The following ITGA3 variants were observed in gnomAD, a reference collection of about 807,000 sequenced individuals.
ITGA3 encodes the protein integrin subunit alpha 3.
ITGA3 carries 70 observed loss-of-function variants against 131.1 expected under a neutral mutation model. The observed-to-expected ratio is 0.53, with a 90% CI of 0.44 to 0.65. The LOEUF (loss-of-function observed/expected upper bound fraction) is 0.65, where lower values mean the gene tolerates loss of function less well. ITGA3 is among the 30% of genes least tolerant of loss of function. The pLI is 0.00. For synonymous variants in ITGA3, 537 were observed against 571.6 expected (o/e 0.94, Z 0.86); for missense variants, 1,098 against 1,388.6 (o/e 0.79, Z 3.33).
intron 23 of ITGA3, among the ~76,000 whole-genome samples, chr17:50,081,691 G>A (rs895649505): frequency 3.3e-5 from 5 of 152,106 alleles, no homozygotes; most frequent in South Asian, 2.1e-4. Flanking sequence ...TCTGCACAAC[G>A]CCTCCATGAA....
chr17:50,078,918 G>T lies in ITGA3; in HGVS notation c.2392G>T (p.Glu798Ter). The part of the protein sequence containing the change: ...VEDVGSPLKY[E>*]FQVGPMGEGL... ...GGATGTAGGAAGCCCCCTCAAGTAT[G>T]AATTCCAGGTAAGGGGCTCGCCAGA... Residue 798 changes from glutamate (E) to a stop codon, truncating the protein, a stop_gained, in exon 19 of 26, where the codon GAA (glutamate) becomes TAA (stop). Transcript: ENST00000320031. LOFTEE classifies it high-confidence loss of function. 6.2e-7 allele frequency: 1 copy of T among 1,603,036 alleles called. No homozygotes were observed. The highest frequency in any genetic ancestry group is 8.5e-7 in the Non-Finnish European group (1 of 1,169,944).
chr17:50,070,538 C>T (rs1371937997), intron 4 of ITGA3, among the ~76,000 whole-genome samples: 1 of 142,858 alleles, frequency 7.0e-6, no homozygotes, highest in Admixed American at 7.4e-5. Flanking sequence ...CCCAGCTACT[C>T]GGGAGGCTGA....
chr17:50,062,691 C>T (rs950011192), intron 1 of ITGA3, among the ~76,000 whole-genome samples: 5 of 152,232 alleles, frequency 3.3e-5, no homozygotes, highest in Non-Finnish European at 7.4e-5. Context: ...ACTGCCCTGC[C>T]CTGCCCAGCC....
chr17:50,056,446 C>T lies in ITGA3; in HGVS notation c.7C>T (p.Pro3Ser). MG[P>S]GPSRAPRAPR... Reference sequence around the variant, plus strand: ...CCCGCTTCCGCTGGCAGCCATGGGCCCCGGCCCCAGCCGCGCGCCCCGCGC... The same window carrying T: ...CCCGCTTCCGCTGGCAGCCATGGGCTCCGGCCCCAGCCGCGCGCCCCGCGC... Residue 3 changes from proline (P) to serine (S), a missense_variant, in exon 1 of 26, where the codon CCC becomes TCC. By Grantham distance (74) the Pro-to-Ser change is moderately conservative. This residue lies in a region of ITGA3 where 43 missense variants were observed against 30.3 expected (regional missense o/e 1.42). Transcript: ENST00000320031. The surrounding 1 kb of genome is among the most constrained non-coding windows in gnomAD (Gnocchi z 5.6). 3 of 1,530,016 alleles carry T rather than the reference C, an allele frequency of 2.0e-6. No individual in the cohort carries two copies. Among genetic ancestry groups the T allele is most frequent in the South Asian group, 1.2e-5 (1 of 81,728 alleles). The allele number at this position is 1,530,016 out of a possible 1,614,324, so 94.8% of individuals were successfully genotyped here.
intron 10 of ITGA3, among the ~76,000 whole-genome samples, chr17:50,074,794 G>T (rs1908807590): frequency 6.6e-6 from 1 of 152,232 alleles, no homozygotes; most frequent in African/African-American, 2.4e-5. Flanking sequence ...AGCTATGCCA[G>T]TGCAGGGGTG....
chr17:50,088,323 C>G lies in ITGA3; in HGVS notation c.3144C>G (p.Thr1048=), dbSNP rs552312186. The change falls in exon 25 of 26, where the codon ACC becomes ACG. Residue 1048 remains threonine (T), a synonymous_variant. Transcript: ENST00000320031. ...KSQPSETERL[T]DDY Reference sequence around the variant, plus strand: ...AGCCGTCAGAGACAGAGAGGCTGACCGACGACTACTGAGGGGGCAGCCCCC... The same window carrying G: ...AGCCGTCAGAGACAGAGAGGCTGACGGACGACTACTGAGGGGGCAGCCCCC... The G allele has an allele frequency of 6.3e-7, 1 of 1,576,890 alleles. No homozygotes were observed.
At position 50,074,455 on chromosome 17, in the gene ITGA3, C is replaced by G; in HGVS notation, c.1390C>G (p.Pro464Ala). 4 of 1,613,994 alleles carry G rather than the reference C, an allele frequency of 2.5e-6. No individual in the cohort carries two copies. Among genetic ancestry groups the G allele is most frequent in the Non-Finnish European group, 3.4e-6 (4 of 1,179,908 alleles). Residue 464 changes from proline to alanine, a missense_variant, in exon 10 of 26, where the codon CCC (proline) becomes GCC (alanine). Pro to Ala is a conservative substitution (Grantham distance 27). This residue lies in a region of ITGA3 where 699 missense variants were observed against 829.2 expected (regional missense o/e 0.84). Transcript: ENST00000320031. ...GCTCTGTTGTCTCTGCAGGGCCCGG[C>G]CCGTCATCAACATCGTCCACAAGAC... ...SDHIVLLRARPVINIVHKTLV... is the reference protein window; with the variant it reads ...SDHIVLLRARAVINIVHKTLV...
chr17:50,058,553 G>A (rs17701743), intron 1 of ITGA3, among the ~76,000 whole-genome samples: 5,155 of 152,342 alleles, frequency 0.034, 114 homozygotes, highest in Admixed American at 0.074. Context: ...CTACTTTTCT[G>A]TCTGGGAAGC....
rs569581246 is a variant in ITGA3 at position 50,074,051 on chromosome 17, G to A, written c.1245+47G>A. 6.4e-6 allele frequency: 10 copies of A among 1,555,926 alleles called. No homozygotes were observed. In the South Asian group the frequency reaches 7.8e-5, roughly 12 times the overall value. On this transcript the variant is annotated intron_variant, in intron 8 of 25. Transcript: ENST00000320031. Reference sequence around the variant, plus strand: ...TCTGCTGCCCCCACCAGCCGAGATGGGCCTTCCTTGCTTTCCTTCACCCAA... The same window carrying A: ...TCTGCTGCCCCCACCAGCCGAGATGAGCCTTCCTTGCTTTCCTTCACCCAA...
At position 50,089,504 on chromosome 17, in the gene ITGA3, C is replaced by T. The variant is rs1909618366; in HGVS notation, c.*426C>T. The T allele has an allele frequency of 1.1e-5, 6 of 544,802 alleles. No homozygotes were observed. Among genetic ancestry groups the T allele is most frequent in the Middle Eastern group, 4.8e-4 (1 of 2,074 alleles). The allele number at this position is 544,802 out of a possible 1,614,324, so 33.7% of individuals were successfully genotyped here. ...ACTGCATTCCTGTGCCCTAGATGCA[C>T]GTGGGGCCCACTGCTCGTGGACTGT... On this transcript the variant is annotated 3_prime_UTR_variant, in exon 26 of 26. Coordinates refer to ENST00000320031, the MANE Select transcript of ITGA3 (RefSeq NM_002204.4).
chr17:50,056,762 C>A lies in ITGA3; in HGVS notation c.206+117C>A, dbSNP rs1567694669. ...GCCCTTGGGAGCCAGGATTAAGGGG[C>A]GGCCCTCTGGCTGCTGGGGGTTGGC... is the stretch of plus-strand genomic sequence containing the variant. On this transcript the variant is annotated intron_variant, in intron 1 of 25. Transcript: ENST00000320031. The surrounding 1 kb of genome is among the most constrained non-coding windows in gnomAD (Gnocchi z 5.6). 9.5e-6 allele frequency: 10 copies of A among 1,048,058 alleles called. No individual in the cohort carries two copies. The highest frequency in any genetic ancestry group is 1.2e-5 in the Non-Finnish European group (9 of 734,214). 64.9% of individuals were successfully genotyped at this position (1,048,058 alleles called of 1,614,324 possible).
intron 6 of ITGA3, 197 bp downstream of exon 6, chr17:50,071,715 C>G (rs185092310): frequency 1.6e-6 from 1 of 631,866 alleles, no homozygotes; most frequent in African/African-American, 1.8e-5. Flanking sequence ...TTGCTTGTTT[C>G]TGCTTGGGAT....
rs750952837 is a variant in ITGA3 at position 50,074,209 on chromosome 17, G to C, written c.1311G>C (p.Gln437His). Reference protein sequence around the residue: ...LATFGYSLSGQMDVDENFYPD... With the variant: ...LATFGYSLSGHMDVDENFYPD... ...CCTTCGGCTATTCCCTCAGTGGGCA[G>C]ATGGATGTGGATGAGAACTTCTACC... The change falls in exon 9 of 26, where the codon CAG (glutamine) becomes CAC (histidine). Residue 437 changes from glutamine to histidine, a missense_variant. Coordinates refer to ENST00000320031, the MANE Select transcript of ITGA3 (RefSeq NM_002204.4). The C allele has an allele frequency of 1.2e-6, 2 of 1,614,252 alleles. No homozygotes were observed. Among genetic ancestry groups the C allele is most frequent in the Non-Finnish European group, 8.5e-7 (1 of 1,180,042 alleles).
chr17:50,077,320 G>A, intron 15 of ITGA3, 59 bp from the exon 16 acceptor site: 2 of 1,477,136 alleles, frequency 1.4e-6, no homozygotes, highest in Middle Eastern at 1.7e-4. Context: ...GCACCACAGA[G>A]GAGGGAGGAC....
Position 50,089,945 on chromosome 17 carries a change from A to G in ITGA3, c.*867A>G. The G allele has an allele frequency of 4.8e-6, 1 of 206,212 alleles. No individual in the cohort carries two copies. 12.8% of individuals were successfully genotyped at this position (206,212 alleles called of 1,614,324 possible). A position where few individuals can be genotyped will look rare whatever the true frequency, so the allele number is the denominator to read the frequency against. On this transcript the variant is annotated 3_prime_UTR_variant, in exon 26 of 26. Coordinates refer to ENST00000320031, the MANE Select transcript of ITGA3 (RefSeq NM_002204.4). Reference sequence around the variant, plus strand: ...TGAACTCGCAGGGAATGCAGCAGGAAGGAACAAAGACAGGCAAACGGCAAC... The same window carrying G: ...TGAACTCGCAGGGAATGCAGCAGGAGGGAACAAAGACAGGCAAACGGCAAC...
intron 23 of ITGA3, among the ~76,000 whole-genome samples, chr17:50,083,322 C>A (rs537843296): frequency 2.6e-5 from 4 of 152,212 alleles, no homozygotes; most frequent in Admixed American, 6.5e-5. Context: ...TTAATAGTAA[C>A]CTTTAATTAT....
chr17:50,076,258 G>A, intron 12 of ITGA3, 68 bp from the exon 13 acceptor site: 1 of 1,548,724 alleles, frequency 6.5e-7, no homozygotes, highest in Non-Finnish European at 8.8e-7. Context: ...GGGGTTCAGG[G>A]TGGTGTGAGG....
rs749932913 is a variant in ITGA3, at chr17:50,081,325, G to A, written c.2836G>A (p.Asp946Asn). Residue 946 changes from aspartate to asparagine, a missense_variant, in exon 23 of 26, where the codon GAC (aspartate) becomes AAC (asparagine). By Grantham distance (23) the Asp-to-Asn change is conservative. Transcript: ENST00000320031. ...CCCAATCCAGGATTACAGAGACTTT[G>A]ACCGAGTCCGGGTAAATGGCTGGGC... ...STFIEDYRDF[D>N]RVRVNGWATL... The A allele has an allele frequency of 6.3e-7, 1 of 1,588,120 alleles. No homozygotes were observed. The highest frequency in any genetic ancestry group is 1.1e-5 in the South Asian group (1 of 87,342).
intron 1 of ITGA3, among the ~76,000 whole-genome samples, chr17:50,057,831 G>GC (rs1907903150): frequency 6.6e-6 from 1 of 152,162 alleles, no homozygotes; most frequent in African/African-American, 2.4e-5. Context: ...TCCAAACTCT[G>GC]CCCCCGCCTT....
Sources: gnomAD v4.1 joint callset for allele counts (sites outside exome capture counted in the v4.1 genomes callset) on GRCh38, gnomAD v4.1.1 for gene constraint, gnomAD v4.1.1 regional missense constraint, Gnocchi (gnomAD v3.1) non-coding constraint, MANE v1.5 for transcripts, NCBI Gene and HGNC (gene_info 2026-07-23, HGNC 2026-07-21) for gene names.